Variants in PZP observed in about 807,000 individuals in gnomAD.
The protein encoded by PZP is PZP alpha-2-macroglobulin like.
PZP carries 150 observed loss-of-function variants against 179.8 expected under a neutral mutation model. The ratio of observed to expected loss-of-function variants is 0.83; its 90% CI spans 0.73 to 0.96. The LOEUF is 0.96. Among genes scored for constraint, PZP ranks in the 40% least tolerant of loss-of-function variants. The pLI is 0.00. For missense variants in PZP, 1,689 were observed against 1,764.0 expected (o/e 0.96, Z 0.76); for synonymous variants, 624 against 652.3 (o/e 0.96, Z 0.66).
chr12:9,174,755 G>A (rs1027810519), intron 15 of PZP, among the ~76,000 whole-genome samples: 2 of 152,042 alleles, frequency 1.3e-5, no homozygotes, highest in African/African-American at 4.8e-5. Flanking sequence ...AGCTAACAAG[G>A]GAAGTGAAGG....
intron 15 of PZP, among the ~76,000 whole-genome samples, chr12:9,179,146 C>T (rs963653126): frequency 1.2e-4 from 18 of 152,104 alleles, no homozygotes; most frequent in African/African-American, 3.1e-4. Context: ...GTTCCAAACA[C>T]GAGTAATCTA....
intron 11 of PZP, among the ~76,000 whole-genome samples, chr12:9,193,638 T>A (rs904827901): frequency 1.3e-5 from 2 of 152,200 alleles, no homozygotes; most frequent in African/African-American, 4.8e-5. Flanking sequence ...TAGTCTTTTA[T>A]CACTTCTTTG....
At chr12:9,194,602 C>T (rs1215486913) in intron 10 of PZP, among the ~76,000 whole-genome samples, 1 of 151,762 alleles carries the variant, frequency 6.6e-6, no homozygotes, top group African/African-American at 2.4e-5. Flanking sequence ...GTAGCTGGGA[C>T]TACAGGCGCC....
chr12:9,188,201 G>A lies in PZP; in HGVS notation c.1546+3992C>T, dbSNP rs561039111. Among the ~76,000 whole-genome samples, 73 of 152,184 alleles carry A rather than the reference G, an allele frequency of 4.8e-4. 2 individuals carry two copies. The highest frequency in any genetic ancestry group is 9.6e-4 in the Non-Finnish European group (65 of 68,030). On this transcript the variant is annotated intron_variant, in intron 13 of 35. Coordinates refer to ENST00000261336, the MANE Select transcript of PZP (RefSeq NM_002864.3). ...GCGATCAAGTAGACTTCATCCCTGG[G>A]ATGCAAGGTTGGTTCAACATAGGCA...
At chr12:9,188,627 T>C (rs1046161643) in intron 13 of PZP, among the ~76,000 whole-genome samples, 10 of 152,166 alleles carry the variant, frequency 6.6e-5, no homozygotes, top group African/African-American at 2.2e-4. Context: ...GAAAACCCCA[T>C]AGTGTTGGCC....
chr12:9,162,107 G>A (rs376067986), intron 22 of PZP, among the ~76,000 whole-genome samples: 1 of 152,042 alleles, frequency 6.6e-6, no homozygotes, highest in East Asian at 1.9e-4. Flanking sequence ...GACTACAGGC[G>A]CCCGCCACCA....
At chr12:9,183,643 C>T (rs1942918444) in intron 13 of PZP, among the ~76,000 whole-genome samples, 1 of 152,142 alleles carries the variant, frequency 6.6e-6, no homozygotes, top group Non-Finnish European at 1.5e-5. Flanking sequence ...TTCAAGCAAT[C>T]CTCCCAAAAT....
chr12:9,197,106 G>A lies in PZP; in HGVS notation c.773C>T (p.Pro258Leu). 1.2e-6 allele frequency: 2 copies of A among 1,611,626 alleles called. No individual in the cohort carries two copies. Among genetic ancestry groups the A allele is most frequent in the Non-Finnish European group, 1.7e-6 (2 of 1,178,208 alleles). Residue 258 changes from proline to leucine, a missense_variant, in exon 8 of 36, where the codon CCT (proline) becomes CTT (leucine). By Grantham distance (98) the Pro-to-Leu change is moderately conservative (BLOSUM62 -3). Coordinates refer to ENST00000261336, the MANE Select transcript of PZP (RefSeq NM_002864.3). The part of the protein sequence containing the change: ...TVCGEYTYGK[P>L]VPGLATVSLC... ...GCTCACAGTTGCAAGTCCTGGGACA[G>A]GCTTCCCATAAGTGTATCTGGTACA...
At chr12:9,157,582 A>C (rs1292476653) in intron 27 of PZP, among the ~76,000 whole-genome samples, 185 bp downstream of exon 27, 3 of 152,256 alleles carry the variant, frequency 2.0e-5, no homozygotes, top group Non-Finnish European at 4.4e-5. Context: ...TTTGATACAT[A>C]GTCTATGGGC....
chr12:9,189,038 G>T (rs1368273812), intron 13 of PZP, among the ~76,000 whole-genome samples: 1 of 152,076 alleles, frequency 6.6e-6, no homozygotes, highest in African/African-American at 2.4e-5. Context: ...CTCATAGATA[G>T]GAAGAATCAA....
rs747476071 is a variant in PZP, at chr12:9,200,406, A to T, written c.713T>A (p.Ile238Asn). 1.9e-6 allele frequency: 3 copies of T among 1,611,454 alleles called. No individual in the cohort carries two copies. The highest frequency in any genetic ancestry group is 2.7e-5 in the African/African-American group (2 of 74,858). ...FEVKVQVPKI[I>N]SIMDEKVNIT... ...GTTCACTTTTTCATCCATGATACTGATTATCTTTGGCACCTGAACTTTGAC... is the reference window on the plus strand; with the variant it reads ...GTTCACTTTTTCATCCATGATACTGTTTATCTTTGGCACCTGAACTTTGAC... The change falls in exon 7 of 36, where the codon ATC (isoleucine) becomes AAC (asparagine). Residue 238 changes from isoleucine (I) to asparagine (N), a missense_variant. Around this residue, in one of 3 missense-constraint regions of PZP, gnomAD observed 742 missense variants for 730.5 expected, o/e 1.02. Coordinates refer to ENST00000261336, the MANE Select transcript of PZP (RefSeq NM_002864.3).
chr12:9,204,049 A>G, intron 1 of PZP, 98 bp from the exon 2 acceptor site: 4 of 1,199,784 alleles, frequency 3.3e-6, no homozygotes, highest in Non-Finnish European at 3.5e-6. Context: ...AATTGGTGCA[A>G]TCAGTTTTAT....
chr12:9,141,169 A>G, the PZP span, among the ~76,000 whole-genome samples: 1 of 152,202 alleles, frequency 6.6e-6, no homozygotes, highest in African/African-American at 2.4e-5. Flanking sequence ...ATTATTACTG[A>G]TAACGTACAC....
At chr12:9,169,115 GTGAAATTACTAAACTTA>G in intron 16 of PZP, 141 bp from the exon 17 acceptor site, 1 of 607,858 alleles carries the variant, frequency 1.6e-6, no homozygotes, top group Non-Finnish European at 2.8e-6. Context: ...ATATAGAGTA[GTGAAATTACTAAACTTA>G]TGGATTATTA....
chr12:9,168,890 C>T lies in PZP; in HGVS notation c.2086G>A (p.Val696Ile). Residue 696 changes from valine to isoleucine, a missense_variant, in exon 17 of 36, where the codon GTA (valine) becomes ATA (isoleucine). By Grantham distance (29) the Val-to-Ile change is conservative. Coordinates refer to ENST00000261336, the MANE Select transcript of PZP (RefSeq NM_002864.3). ...SVIPSVSAGA[V>I]GQGYYGAGLG... ...TTACCTCCATAGTATCCTTGACCTA[C>T]TGCTCCTGCAGACACGGAAGGGATG... 1 of 1,613,818 alleles carries T rather than the reference C, an allele frequency of 6.2e-7. No homozygotes were observed. The highest frequency in any genetic ancestry group is 1.1e-5 in the South Asian group (1 of 91,038).
At chr12:9,193,387 A>C (rs1943565501) in intron 11 of PZP, among the ~76,000 whole-genome samples, 1 of 152,214 alleles carries the variant, frequency 6.6e-6, no homozygotes, top group Non-Finnish European at 1.5e-5. Flanking sequence ...CCTATTTAAA[A>C]AAACCTTTTG....
chr12:9,168,624 A>G (rs1055623901), intron 17 of PZP: 7 of 386,636 alleles, frequency 1.8e-5, no homozygotes, highest in Middle Eastern at 6.8e-4. Flanking sequence ...CCTCTCTTAC[A>G]GTACATCAGA....
At chr12:9,203,653 A>T in intron 2 of PZP, 115 bp downstream of exon 2, 8 of 1,300,976 alleles carry the variant, frequency 6.1e-6, no homozygotes, top group Non-Finnish European at 8.5e-6. Flanking sequence ...TGAAGTCCTA[A>T]CTACATTCTT....
chr12:9,187,162 G>A (rs971137991), intron 13 of PZP, among the ~76,000 whole-genome samples: 50 of 150,090 alleles, frequency 3.3e-4, no homozygotes, highest in Middle Eastern at 3.2e-3. Context: ...AAATCTACAT[G>A]CACCCAACAC....
Sources: allele counts gnomAD v4.1 joint callset (sites outside exome capture counted in the v4.1 genomes callset), GRCh38; gene constraint gnomAD v4.1.1; regional missense constraint gnomAD v4.1.1; transcripts MANE v1.5; gene names NCBI Gene and HGNC (gene_info 2026-07-23, HGNC 2026-07-21).